The following KRT79 variants were observed in gnomAD, a reference collection of about 807,000 sequenced individuals.
KRT79 encodes the protein keratin 79, also known as keratin, type II cytoskeletal 79.
KRT79 carries 51 observed loss-of-function variants against 49.0 expected under a neutral mutation model. That is an observed-to-expected ratio of 1.04 (90% CI 0.83 to 1.31). The LOEUF (loss-of-function observed/expected upper bound fraction) is 1.31. Ranked by LOEUF, KRT79 falls within the 40% of genes most tolerant of loss-of-function variation. The pLI, the probability that KRT79 is intolerant of heterozygous loss-of-function variation, is 0.00. For synonymous variants in KRT79, 312 were observed against 286.6 expected (o/e 1.09, Z -0.90); for missense variants, 728 against 688.0 (o/e 1.06, Z -0.65).
Position 52,821,807 on chromosome 12 carries a change from G to T in KRT79, c.*65C>A. 6 of 1,442,854 alleles carry T rather than the reference G, an allele frequency of 4.2e-6. No homozygotes were observed. The South Asian group carries it at 4.7e-5, about 11-fold the overall frequency. The allele number at this position is 1,442,854 out of a possible 1,614,324, so 89.4% of individuals were successfully genotyped here. A position where few individuals can be genotyped will look rare whatever the true frequency, so the allele number is the denominator to read the frequency against. The stretch of plus-strand genomic sequence containing the variant: ...CCTGCTCCTGAGAAGTGACTGGAAA[G>T]GACAGCAGAGGTGGGGTGAGGAGGG... On this transcript the variant is annotated 3_prime_UTR_variant, in exon 9 of 9. Coordinates refer to ENST00000330553, the MANE Select transcript of KRT79 (RefSeq NM_175834.3).
At chr12:52,826,014 A>T (rs1285388973) in intron 4 of KRT79, among the ~76,000 whole-genome samples, 1 of 152,016 alleles carries the variant, frequency 6.6e-6, no homozygotes, top group African/African-American at 2.4e-5. Flanking sequence ...TTTGTCACAG[A>T]TAAGATTGTG....
chr12:52,833,242 G>A (rs7964995), intron 1 of KRT79, among the ~76,000 whole-genome samples: 4,197 of 152,236 alleles, frequency 0.028, 184 homozygotes, highest in African/African-American at 0.096. Context: ...AGGAGAAGCG[G>A]AAGGGAGCCT....
intron 6 of KRT79, 149 bp downstream of exon 6, chr12:52,823,738 T>C: frequency 5.5e-6 from 5 of 908,380 alleles, no homozygotes; most frequent in South Asian, 1.8e-5. Flanking sequence ...TGTGCCTCAG[T>C]TTCCCCCCAT....
In KRT79 at chr12:52,821,598, C is replaced by G; in HGVS notation, c.*274G>C. The stretch of plus-strand genomic sequence containing the variant: ...TCTCCTAATGGCTTGAGAAATTCAG[C>G]CTCCTCTCGGTGGTCAAAAGGTCAC... On this transcript the variant is annotated 3_prime_UTR_variant, in exon 9 of 9. Coordinates refer to ENST00000330553, the MANE Select transcript of KRT79 (RefSeq NM_175834.3). The G allele has an allele frequency of 2.1e-6, 1 of 483,990 alleles. No individual in the cohort carries two copies. The highest frequency in any genetic ancestry group is 3.8e-6 in the Non-Finnish European group (1 of 265,956). 30.0% of individuals were successfully genotyped at this position (483,990 alleles called of 1,614,324 possible). A position where few individuals can be genotyped will look rare whatever the true frequency, so the allele number is the denominator to read the frequency against.
chr12:52,825,601 CA>C (rs1231048749), intron 4 of KRT79, among the ~76,000 whole-genome samples: 2 of 152,044 alleles, frequency 1.3e-5, no homozygotes, highest in Admixed American at 6.5e-5. Context: ...CAAAGAGAGA[CA>C]GGGGGAAAAG....
At chr12:52,825,618 T>C (rs1304086641) in intron 4 of KRT79, among the ~76,000 whole-genome samples, 1 of 152,112 alleles carries the variant, frequency 6.6e-6, no homozygotes, top group East Asian at 1.9e-4. Context: ...AAAAGAGAAA[T>C]ACCAAAGGCA....
intron 1 of KRT79, among the ~76,000 whole-genome samples, chr12:52,832,547 G>A (rs1435101358): frequency 1.3e-5 from 2 of 151,820 alleles, no homozygotes; most frequent in East Asian, 3.9e-4. Context: ...TCCTGAGAAA[G>A]GTTTTGGCTT....
intron 6 of KRT79, 34 bp downstream of exon 6, chr12:52,823,853 A>C (rs1357968279): frequency 6.3e-7 from 1 of 1,598,846 alleles, no homozygotes; most frequent in African/African-American, 1.4e-5. Context: ...GCCAACACCT[A>C]GGCCAGACCC....
chr12:52,829,414 A>G (rs1940218810), intron 4 of KRT79, among the ~76,000 whole-genome samples: 1 of 152,208 alleles, frequency 6.6e-6, no homozygotes, highest in Non-Finnish European at 1.5e-5. Context: ...CAAGAGCCAG[A>G]TTTGAATTCT....
intron 1 of KRT79, 26 bp downstream of exon 1, chr12:52,833,758 C>G: frequency 6.3e-7 from 1 of 1,585,058 alleles, no homozygotes; most frequent in South Asian, 1.1e-5. Flanking sequence ...CCCAAGAGCT[C>G]CCTTCCTCCT....
chr12:52,823,000 C>A lies in KRT79; in HGVS notation c.1367+16G>T. 6.2e-7 allele frequency: 1 copy of A among 1,612,624 alleles called. No individual in the cohort carries two copies. The highest frequency in any genetic ancestry group is 8.5e-7 in the Non-Finnish European group (1 of 1,179,584). Reference sequence around the variant, plus strand: ...GCCCGACCCAGCTTTCTGGGTCGGGCAGGAGGGGCCACCACCTGCTCTCCT... The same window carrying A: ...GCCCGACCCAGCTTTCTGGGTCGGGAAGGAGGGGCCACCACCTGCTCTCCT... On this transcript the variant is annotated intron_variant, in intron 7 of 8. Coordinates refer to ENST00000330553, the MANE Select transcript of KRT79 (RefSeq NM_175834.3).
At chr12:52,828,177 T>A (rs1418564737) in intron 4 of KRT79, among the ~76,000 whole-genome samples, 1 of 152,208 alleles carries the variant, frequency 6.6e-6, no homozygotes, top group Non-Finnish European at 1.5e-5. Flanking sequence ...TTTTCCTTCA[T>A]GATTATAATA....
At chr12:52,825,930 G>A (rs952029192) in intron 4 of KRT79, among the ~76,000 whole-genome samples, 1 of 152,084 alleles carries the variant, frequency 6.6e-6, no homozygotes. Context: ...ATGACCCATG[G>A]CATGTGCTGA....
chr12:52,822,450 C>T (rs1274130363), intron 7 of KRT79, 71 bp from the exon 8 acceptor site: 7 of 1,059,818 alleles, frequency 6.6e-6, no homozygotes, highest in South Asian at 1.6e-5. Context: ...CTCTCCTTCC[C>T]TCTGCCTTTA....
At chr12:52,826,531 A>G (rs1211471921) in intron 4 of KRT79, among the ~76,000 whole-genome samples, 4 of 141,648 alleles carry the variant, frequency 2.8e-5, no homozygotes, top group Admixed American at 2.1e-4. Context: ...AAAAAAAAAA[A>G]GTCAGGCTTT....
chr12:52,822,114 A>T, intron 8 of KRT79, 37 bp from the exon 9 acceptor site: 2 of 1,605,306 alleles, frequency 1.2e-6, no homozygotes, highest in Non-Finnish European at 1.7e-6. Flanking sequence ...CAGGGCGGCC[A>T]TGCCAGAGAG....
rs1940089887 is a variant in KRT79, at chr12:52,821,710, A to G, written c.*162T>C. 3.1e-6 allele frequency: 2 copies of G among 651,640 alleles called. No individual in the cohort carries two copies. Among genetic ancestry groups the G allele is most frequent in the Non-Finnish European group, 2.6e-6 (1 of 378,102 alleles). The allele number at this position is 651,640 out of a possible 1,614,324, so 40.4% of individuals were successfully genotyped here. ...GCAGGACCAAGGAGAAAACCTGAGT[A>G]GATTTGAGCGCTTCCCAAGATGCAA... is the stretch of plus-strand genomic sequence containing the variant. On this transcript the variant is annotated 3_prime_UTR_variant, in exon 9 of 9. Transcript: ENST00000330553.
chr12:52,824,342 G>A lies in KRT79; in HGVS notation c.876C>T (p.Thr292=), dbSNP rs1256597428. The part of the protein sequence containing the change: ...LYEMELSQVQ[T]HVSNTNVVLS... ...GCACCACATTGGTGTTAGACACGTG[G>A]GTCTGCACTTGGCTCAGCTCCTGAA... Residue 292 remains threonine (T), a synonymous_variant, in exon 5 of 9, where the codon ACC becomes ACT. Transcript: ENST00000330553. 22 of 1,614,028 alleles carry A rather than the reference G, an allele frequency of 1.4e-5. No homozygotes were observed. Among genetic ancestry groups the A allele is most frequent in the Non-Finnish European group, 1.9e-5 (22 of 1,179,994 alleles).
chr12:52,827,193 C>T (rs537045392), intron 4 of KRT79, among the ~76,000 whole-genome samples: 1 of 150,744 alleles, frequency 6.6e-6, no homozygotes, highest in Non-Finnish European at 1.5e-5. Context: ...TCACCTCCCT[C>T]GAAGGCTTCC....
Sources: allele counts gnomAD v4.1 joint callset (sites outside exome capture counted in the v4.1 genomes callset), GRCh38; gene constraint gnomAD v4.1.1; transcripts MANE v1.5; gene names NCBI Gene and HGNC (gene_info 2026-07-23, HGNC 2026-07-21).